Variants in CEP128 observed in about 807,000 individuals in gnomAD.
The protein encoded by CEP128 is centrosomal protein 128.
Under a neutral mutation model 156.7 loss-of-function variants are expected in CEP128, and 132 were observed. That is an observed-to-expected ratio of 0.84 (90% CI 0.73 to 0.97). CEP128 has a LOEUF of 0.97. Ranked by LOEUF, CEP128 falls within the 50% of genes least tolerant of loss-of-function variation. The pLI, the probability that CEP128 is intolerant of heterozygous loss-of-function variation, is 0.00. For missense variants in CEP128, 1,252 were observed against 1,281.9 expected (o/e 0.98, Z 0.36); for synonymous variants, 469 against 448.9 (o/e 1.04, Z -0.57).
At chr14:80,743,354 A>C (rs1898932690) in intron 18 of CEP128, 87 bp from the exon 19 acceptor site, 1 of 1,106,524 alleles carries the variant, frequency 9.0e-7, no homozygotes, top group African/African-American at 1.6e-5. Context: ...AAGTAACATA[A>C]TTTGAACAAA....
Position 80,855,518 on chromosome 14 carries a change from G to T in CEP128, c.762+7239C>A, listed in dbSNP as rs147801209. The stretch of plus-strand genomic sequence containing the variant: ...GAAAGGAAAACTTATGAATAACTAT[G>T]CAAAATATGAATATGAATAACTGTA... On this transcript the variant is annotated intron_variant, in intron 9 of 24. Coordinates refer to ENST00000555265, the MANE Select transcript of CEP128 (RefSeq NM_152446.5). Among the ~76,000 whole-genome samples the T allele has an allele frequency of 2.5e-4, 38 of 152,080 alleles. No homozygotes were observed. In the East Asian group the frequency reaches 5.2e-3, roughly 21 times the overall value.
Position 80,696,433 on chromosome 14 carries a change from G to A in CEP128, c.2806+46642C>T, listed in dbSNP as rs149403332. 2.8e-3 allele frequency among the ~76,000 whole-genome samples: 420 copies of A among 152,162 alleles called. 1 individual carries two copies. The highest frequency in any genetic ancestry group is 0.02 in the Middle Eastern group (6 of 294). On this transcript the variant is annotated intron_variant, in intron 19 of 24. Transcript: ENST00000555265. ...GGGTAGAGATTAAGTCTCCCAGGGA[G>A]AACATGAGATATGAAAAGATAAAGG...
At chr14:80,735,287 C>T (rs191048746) in intron 19 of CEP128, among the ~76,000 whole-genome samples, 18 of 152,272 alleles carry the variant, frequency 1.2e-4, no homozygotes, top group African/African-American at 4.3e-4. Context: ...TTCGGGTTCA[C>T]TCATAATCCA....
rs766724436 is a variant in CEP128 at position 80,856,720 on chromosome 14, CTTTTTTTTTTTTTTTTTTTTT to C, written c.762+6016_762+6036del. 7.4e-4 allele frequency among the ~76,000 whole-genome samples: 48 copies of C among 65,192 alleles called. No individual in the cohort carries two copies. The South Asian group carries it at 0.017, about 23-fold the overall frequency. The allele number at this position is 65,192 out of a possible 152,430, so 42.8% of individuals were successfully genotyped here. A position where few individuals can be genotyped will look rare whatever the true frequency, so the allele number is the denominator to read the frequency against. On this transcript the variant is annotated intron_variant, in intron 9 of 24. Coordinates refer to ENST00000555265, the MANE Select transcript of CEP128 (RefSeq NM_152446.5). ...AGCATTTATCTCATGTTTTTCTTTTCTTTTTTTTTTTTTTTTTTTTTTTTTTTTGAGACAGGGTCTCAATCT... is the reference window on the plus strand; with the variant it reads ...AGCATTTATCTCATGTTTTTCTTTTCTTTTTTTGAGACAGGGTCTCAATCT...
chr14:80,503,758 G>C (rs1245676689), intron 24 of CEP128, among the ~76,000 whole-genome samples: 1 of 152,112 alleles, frequency 6.6e-6, no homozygotes, highest in Non-Finnish European at 1.5e-5. Flanking sequence ...CCAACTTGAG[G>C]TCCATATTGA....
intron 21 of CEP128, among the ~76,000 whole-genome samples, chr14:80,543,458 T>C (rs1461093458): frequency 1.3e-5 from 2 of 152,206 alleles, no homozygotes; most frequent in African/African-American, 4.8e-5. Flanking sequence ...TTAAGTATGT[T>C]TGAGATGCTC....
intron 14 of CEP128, among the ~76,000 whole-genome samples, chr14:80,790,539 T>C (rs1288863981): frequency 6.6e-6 from 1 of 152,112 alleles, no homozygotes; most frequent in African/African-American, 2.4e-5. Flanking sequence ...ATCCATTGCA[T>C]TGTCTTTGAG....
intron 11 of CEP128, among the ~76,000 whole-genome samples, chr14:80,837,960 A>C (rs1422869393): frequency 6.6e-6 from 1 of 152,224 alleles, no homozygotes; most frequent in Non-Finnish European, 1.5e-5. Flanking sequence ...ATAAGTAGTA[A>C]GTTGTAGCAG....
At chr14:80,683,818 C>T (rs1896418274) in intron 19 of CEP128, among the ~76,000 whole-genome samples, 1 of 152,068 alleles carries the variant, frequency 6.6e-6, no homozygotes, top group African/African-American at 2.4e-5. Flanking sequence ...GAAAATCTCT[C>T]AAAACCACAC....
At chr14:80,623,424 C>T (rs1893575038) in intron 19 of CEP128, among the ~76,000 whole-genome samples, 1 of 151,376 alleles carries the variant, frequency 6.6e-6, no homozygotes, top group Non-Finnish European at 1.5e-5. Context: ...CTAACCTGCA[C>T]ATTGTGCACA....
At chr14:80,543,543 T>C (rs950545588) in intron 21 of CEP128, among the ~76,000 whole-genome samples, 2 of 152,236 alleles carry the variant, frequency 1.3e-5, no homozygotes, top group Non-Finnish European at 2.9e-5. Flanking sequence ...GTATATATTT[T>C]TGAAGTTGGC....
At chr14:80,681,232 G>A (rs530939283) in intron 19 of CEP128, among the ~76,000 whole-genome samples, 1 of 151,882 alleles carries the variant, frequency 6.6e-6, no homozygotes, top group African/African-American at 2.4e-5. Context: ...AATATTATAG[G>A]GCAAGGGAAA....
intron 9 of CEP128, among the ~76,000 whole-genome samples, chr14:80,857,369 T>C (rs1318596180): frequency 6.6e-6 from 1 of 151,942 alleles, no homozygotes; most frequent in Non-Finnish European, 1.5e-5. Flanking sequence ...GTTTATAGTA[T>C]GATAATTTAC....
At chr14:80,789,542 CAGGTTGAT>C (rs1455380283) in intron 14 of CEP128, among the ~76,000 whole-genome samples, 1 of 152,058 alleles carries the variant, frequency 6.6e-6, no homozygotes. Context: ...TGTCATAAAA[CAGGTTGAT>C]GCAAAGCCAA....
At chr14:80,623,950 T>C (rs748551130) in intron 19 of CEP128, among the ~76,000 whole-genome samples, 18 of 152,210 alleles carry the variant, frequency 1.2e-4, no homozygotes, top group Non-Finnish European at 1.8e-4. Context: ...TCCTCTCTTC[T>C]AGCTTTTTTG....
intron 13 of CEP128, among the ~76,000 whole-genome samples, chr14:80,802,612 T>C (rs1883942230): frequency 6.6e-6 from 1 of 151,850 alleles, no homozygotes; most frequent in African/African-American, 2.4e-5. Context: ...GGCACACATA[T>C]AACCTATGTA....
At chr14:80,592,568 G>A (rs920067190) in intron 19 of CEP128, among the ~76,000 whole-genome samples, 2 of 152,094 alleles carry the variant, frequency 1.3e-5, no homozygotes, top group African/African-American at 4.8e-5. Context: ...TCTACCAGAG[G>A]TACAAAGAGG....
At chr14:80,521,850 A>G (rs1888760640) in intron 23 of CEP128, among the ~76,000 whole-genome samples, 1 of 152,190 alleles carries the variant, frequency 6.6e-6, no homozygotes, top group Admixed American at 6.5e-5. Context: ...GCATTTCCCA[A>G]ACATCAGTGT....
At chr14:80,577,488 C>G (rs1404667146) in intron 20 of CEP128, among the ~76,000 whole-genome samples, 1 of 152,144 alleles carries the variant, frequency 6.6e-6, no homozygotes, top group East Asian at 1.9e-4. Context: ...TAACTCCTTC[C>G]TTTTTACTTC....
Sources: gnomAD v4.1 joint callset for allele counts (sites outside exome capture counted in the v4.1 genomes callset) on GRCh38, gnomAD v4.1.1 for gene constraint, MANE v1.5 for transcripts, NCBI Gene and HGNC (gene_info 2026-07-23, HGNC 2026-07-21) for gene names.